The following SUGCT variants were observed in gnomAD, a reference collection of about 807,000 sequenced individuals.
SUGCT encodes the protein succinyl-CoA:glutarate CoA-transferase.
A neutral mutation model predicts 55.0 loss-of-function variants in SUGCT; 41 were observed. The ratio of observed to expected loss-of-function variants is 0.74; its 90% CI spans 0.58 to 0.97. The LOEUF (loss-of-function observed/expected upper bound fraction) is 0.97. Ranked by LOEUF, SUGCT falls within the 50% of genes least tolerant of loss-of-function variation. SUGCT has a pLI of 0.00. For synonymous variants in SUGCT, 187 were observed against 200.4 expected, an observed-to-expected ratio of 0.93 and a Z score of 0.56; for missense variants, 568 against 547.8, an observed-to-expected ratio of 1.04 and a Z score of -0.37.
intron 9 of SUGCT, among the ~76,000 whole-genome samples, chr7:40,339,956 T>C (rs904583018): frequency 6.6e-6 from 1 of 152,186 alleles, no homozygotes; most frequent in Non-Finnish European, 1.5e-5. Context: ...ACTGATGAAA[T>C]CTATGAAAGC....
At chr7:40,656,255 C>T (rs974382714) in intron 12 of SUGCT, among the ~76,000 whole-genome samples, 2 of 146,450 alleles carry the variant, frequency 1.4e-5, no homozygotes, top group African/African-American at 5.1e-5. Flanking sequence ...TTTTAATAGA[C>T]AAGATGTCTG....
At chr7:40,139,611 T>C (rs75550634) in intron 1 of SUGCT, among the ~76,000 whole-genome samples, 1 of 152,358 alleles carries the variant, frequency 6.6e-6, no homozygotes, top group African/African-American at 2.4e-5. Flanking sequence ...TTTGAGTTGC[T>C]TACAAATTCT....
At chr7:40,629,643 A>G (rs1799692465) in intron 12 of SUGCT, among the ~76,000 whole-genome samples, 1 of 152,178 alleles carries the variant, frequency 6.6e-6, no homozygotes, top group Admixed American at 6.5e-5. Flanking sequence ...AAGTTAATTT[A>G]TTTGAGAAGG....
At chr7:40,459,355 G>GT (rs1197437702) in intron 11 of SUGCT, among the ~76,000 whole-genome samples, 157 bp downstream of exon 11, 1 of 151,864 alleles carries the variant, frequency 6.6e-6, no homozygotes, top group Non-Finnish European at 1.5e-5. Flanking sequence ...AAGCTGTGGG[G>GT]TTTTTTTGTT....
chr7:40,375,549 G>A (rs1784499364), intron 9 of SUGCT, among the ~76,000 whole-genome samples: 1 of 152,124 alleles, frequency 6.6e-6, no homozygotes, highest in Non-Finnish European at 1.5e-5. Flanking sequence ...TTCCCCAACT[G>A]TCAGTGGAAC....
At chr7:40,675,602 C>T (rs976468908) in intron 12 of SUGCT, among the ~76,000 whole-genome samples, 35 of 152,024 alleles carry the variant, frequency 2.3e-4, no homozygotes, top group African/African-American at 7.7e-4. Context: ...AGCTGGGGGT[C>T]AGAAGTGATG....
the SUGCT span, among the ~76,000 whole-genome samples, chr7:40,883,862 T>C: frequency 6.6e-6 from 1 of 152,176 alleles, no homozygotes; most frequent in African/African-American, 2.4e-5. Flanking sequence ...CATATCCCAC[T>C]GAACTGGATC....
intron 10 of SUGCT, among the ~76,000 whole-genome samples, chr7:40,458,041 A>T (rs1301096691): frequency 2.6e-5 from 4 of 152,236 alleles, no homozygotes; most frequent in African/African-American, 9.7e-5. Flanking sequence ...AAATAAGTGA[A>T]ACATGTGAAA....
At chr7:40,291,917 T>G (rs901257406) in intron 8 of SUGCT, among the ~76,000 whole-genome samples, 1 of 152,166 alleles carries the variant, frequency 6.6e-6, no homozygotes, top group African/African-American at 2.4e-5. Context: ...AGGAAACAGA[T>G]TCTCACTTGA....
At chr7:40,755,530 C>A (rs1788211907) in intron 13 of SUGCT, among the ~76,000 whole-genome samples, 2 of 152,306 alleles carry the variant, frequency 1.3e-5, no homozygotes, top group East Asian at 3.9e-4. Flanking sequence ...CCAAGCCATT[C>A]ACTATTTGCA....
intron 12 of SUGCT, among the ~76,000 whole-genome samples, chr7:40,587,173 A>AT (rs1797426190): frequency 6.6e-6 from 1 of 152,206 alleles, no homozygotes; most frequent in Non-Finnish European, 1.5e-5. Context: ...GACACAACAG[A>AT]TTTTTTGGGG....
At chr7:41,012,178 A>G in the SUGCT span, among the ~76,000 whole-genome samples, 2 of 151,904 alleles carry the variant, frequency 1.3e-5, no homozygotes, top group African/African-American at 4.8e-5. Flanking sequence ...ACCCTCCCTC[A>G]TTAGTTCCGG....
chr7:40,685,340 C>T (rs1005112675), intron 12 of SUGCT, among the ~76,000 whole-genome samples: 1 of 152,164 alleles, frequency 6.6e-6, no homozygotes, highest in African/African-American at 2.4e-5. Context: ...TCTTGGAGCC[C>T]TCTATCCTGT....
intron 12 of SUGCT, among the ~76,000 whole-genome samples, chr7:40,512,505 C>T (rs888234297): frequency 6.6e-6 from 1 of 152,122 alleles, no homozygotes; most frequent in Admixed American, 6.6e-5. Context: ...TGGGCTCTGT[C>T]GTTTACTCAG....
At chr7:40,619,142 T>A (rs899408969) in intron 12 of SUGCT, among the ~76,000 whole-genome samples, 4 of 152,214 alleles carry the variant, frequency 2.6e-5, no homozygotes, top group African/African-American at 9.6e-5. Context: ...ATTCTATTAT[T>A]TACAAAGGCC....
At chr7:40,719,461 T>C (rs1786202066) in intron 12 of SUGCT, among the ~76,000 whole-genome samples, 1 of 152,194 alleles carries the variant, frequency 6.6e-6, no homozygotes, top group South Asian at 2.1e-4. Context: ...TTTGGCATTA[T>C]ACCTAGCTGG....
chr7:40,779,159 A>C (rs73125734), intron 13 of SUGCT, among the ~76,000 whole-genome samples: 1 of 152,100 alleles, frequency 6.6e-6, no homozygotes. Context: ...CAGTTTCCTC[A>C]TCTGCAAAAT....
At chr7:40,832,462 G>A (rs1563034887) in intron 13 of SUGCT, among the ~76,000 whole-genome samples, 1 of 151,794 alleles carries the variant, frequency 6.6e-6, no homozygotes, top group Non-Finnish European at 1.5e-5. Flanking sequence ...ATTTTTTAGT[G>A]TTCTGCACCA....
intron 12 of SUGCT, among the ~76,000 whole-genome samples, chr7:40,702,856 C>G (rs1327557840): frequency 6.6e-6 from 1 of 152,110 alleles, no homozygotes; most frequent in African/African-American, 2.4e-5. Context: ...ACATGGAATT[C>G]TTTTATAGCC....
Sources: gnomAD v4.1 joint callset for allele counts (sites outside exome capture counted in the v4.1 genomes callset) on GRCh38, gnomAD v4.1.1 for gene constraint, MANE v1.5 for transcripts, NCBI Gene and HGNC (gene_info 2026-07-23, HGNC 2026-07-21) for gene names.